The following ACBD6 variants were observed in gnomAD, a reference collection of about 807,000 sequenced individuals.
ACBD6 encodes the protein acyl-CoA binding domain containing 6, also known as acyl-CoA-binding domain-containing protein 6.
Under a neutral mutation model 37.2 loss-of-function variants are expected in ACBD6, and 28 were observed. The observed-to-expected ratio is 0.75, with a 90% confidence interval of 0.56 to 1.03. The LOEUF is 1.03. Among genes scored for constraint, ACBD6 ranks in the 50% least tolerant of loss-of-function variants. The probability of loss-of-function intolerance (pLI) is 0.00; values close to 1 mark genes in which losing one functional copy is unlikely to be tolerated. For synonymous variants in ACBD6, 113 were observed against 126.8 expected (o/e 0.89, Z 0.73); for missense variants, 340 against 337.4 (o/e 1.01, Z -0.06).
intron 3 of ACBD6, among the ~76,000 whole-genome samples, chr1:180,469,850 A>G (rs1470118353): frequency 6.6e-6 from 1 of 152,202 alleles, no homozygotes; most frequent in Non-Finnish European, 1.5e-5. Context: ...GTTAAGTATC[A>G]TATTTGATAT....
At chr1:180,388,837 A>G (rs1186000749) in intron 6 of ACBD6, among the ~76,000 whole-genome samples, 2 of 152,234 alleles carry the variant, frequency 1.3e-5, no homozygotes, top group African/African-American at 4.8e-5. Context: ...TAAAATACTT[A>G]GTAATAAATT....
intron 7 of ACBD6, among the ~76,000 whole-genome samples, chr1:180,306,355 A>G (rs1416318219): frequency 2.0e-5 from 3 of 152,208 alleles, no homozygotes; most frequent in Non-Finnish European, 4.4e-5. Flanking sequence ...GGTCAACTGT[A>G]TATAAATTTT....
At chr1:180,427,479 C>T (rs1648629695) in intron 4 of ACBD6, among the ~76,000 whole-genome samples, 2 of 152,122 alleles carry the variant, frequency 1.3e-5, no homozygotes, top group Non-Finnish European at 1.5e-5. Flanking sequence ...AAATAAAACA[C>T]CAGATATATT....
At chr1:180,350,127 G>A (rs970520457) in intron 6 of ACBD6, among the ~76,000 whole-genome samples, 11 of 150,836 alleles carry the variant, frequency 7.3e-5, no homozygotes, top group African/African-American at 2.7e-4. Context: ...CTGGGCTCAA[G>A]CGATCTCCCT....
At chr1:180,330,942 G>A (rs916980097) in intron 6 of ACBD6, among the ~76,000 whole-genome samples, 1 of 152,192 alleles carries the variant, frequency 6.6e-6, no homozygotes, top group African/African-American at 2.4e-5. Flanking sequence ...AAATATTTCA[G>A]ACAGAAACCA....
chr1:180,407,617 T>C (rs577384455), intron 5 of ACBD6, among the ~76,000 whole-genome samples: 1 of 152,300 alleles, frequency 6.6e-6, no homozygotes, highest in Non-Finnish European at 1.5e-5. Flanking sequence ...CTTTTTCTTC[T>C]TTTTATTTAT....
intron 6 of ACBD6, among the ~76,000 whole-genome samples, chr1:180,356,838 C>T (rs1245584081): frequency 8.5e-6 from 1 of 117,832 alleles, no homozygotes; most frequent in Non-Finnish European, 1.8e-5. Flanking sequence ...GCAACAGAGC[C>T]AGACCTTGTC....
At chr1:180,304,887 A>G (rs1440524506) in intron 7 of ACBD6, among the ~76,000 whole-genome samples, 1 of 152,106 alleles carries the variant, frequency 6.6e-6, no homozygotes, top group Non-Finnish European at 1.5e-5. Flanking sequence ...ACAGCATGGT[A>G]CTGGTACCAA....
intron 7 of ACBD6, among the ~76,000 whole-genome samples, chr1:180,309,753 C>T (rs1650515329): frequency 6.6e-6 from 1 of 152,148 alleles, no homozygotes. Context: ...CTCACAACCA[C>T]TGTGAAGAGT....
chr1:180,433,474 C>G (rs1406575250), intron 3 of ACBD6, among the ~76,000 whole-genome samples: 1 of 152,104 alleles, frequency 6.6e-6, no homozygotes, highest in African/African-American at 2.4e-5. Flanking sequence ...TTTCTAAGAT[C>G]AGGAACAAGG....
chr1:180,346,493 G>A (rs1652186033), intron 6 of ACBD6, among the ~76,000 whole-genome samples: 1 of 152,088 alleles, frequency 6.6e-6, no homozygotes, highest in African/African-American at 2.4e-5. Flanking sequence ...GGAATGGAGA[G>A]AGCTGGCCTC....
At chr1:180,393,020 TG>T (rs1571448396) in intron 6 of ACBD6, among the ~76,000 whole-genome samples, 2 of 152,184 alleles carry the variant, frequency 1.3e-5, no homozygotes, top group Non-Finnish European at 2.9e-5. Context: ...TAATGTGCTT[TG>T]GGGGGTAGTT....
At chr1:180,483,130 A>G (rs1464677499) in intron 3 of ACBD6, among the ~76,000 whole-genome samples, 2 of 152,098 alleles carry the variant, frequency 1.3e-5, no homozygotes, top group Non-Finnish European at 2.9e-5. Context: ...GTTCTCATAT[A>G]CATTCAGTCC....
At chr1:180,360,303 T>A (rs560587729) in intron 6 of ACBD6, among the ~76,000 whole-genome samples, 19 of 152,236 alleles carry the variant, frequency 1.2e-4, no homozygotes, top group Non-Finnish European at 2.5e-4. Context: ...TGTATTGGTA[T>A]CCATCAGCAC....
intron 6 of ACBD6, among the ~76,000 whole-genome samples, chr1:180,364,801 T>G (rs986261365): frequency 4.6e-5 from 7 of 151,392 alleles, no homozygotes; most frequent in African/African-American, 1.7e-4. Flanking sequence ...TAGCGCGATC[T>G]TGGCTCACTG....
chr1:180,455,384 AG>A (rs916853906), intron 3 of ACBD6, among the ~76,000 whole-genome samples: 2 of 151,326 alleles, frequency 1.3e-5, no homozygotes, highest in Non-Finnish European at 2.9e-5. Context: ...GTTGGGGGAC[AG>A]GGGGAGGGAT....
At chr1:180,431,221 C>A (rs765993477) in intron 3 of ACBD6, among the ~76,000 whole-genome samples, 1 of 151,788 alleles carries the variant, frequency 6.6e-6, no homozygotes, top group African/African-American at 2.4e-5. Context: ...GACCCCCTTC[C>A]CCGGAGATAG....
intron 2 of ACBD6, 29 bp from the exon 3 acceptor site, chr1:180,492,394 G>A (rs990705573): frequency 3.9e-6 from 6 of 1,542,088 alleles, no homozygotes; most frequent in Non-Finnish European, 5.4e-6. Flanking sequence ...AAAATGGCCT[G>A]TCATTATGCA....
At chr1:180,351,041 T>C (rs770737040) in intron 6 of ACBD6, among the ~76,000 whole-genome samples, 3 of 152,188 alleles carry the variant, frequency 2.0e-5, no homozygotes, top group Non-Finnish European at 4.4e-5. Context: ...TATGTTTATA[T>C]TGCTGATTTT....
Sources: allele counts gnomAD v4.1 joint callset (sites outside exome capture counted in the v4.1 genomes callset), GRCh38; gene constraint gnomAD v4.1.1; transcripts MANE v1.5; gene names NCBI Gene and HGNC (gene_info 2026-07-23, HGNC 2026-07-21).